The following ETNPPL variants were observed in gnomAD, a reference collection of about 807,000 sequenced individuals.
ETNPPL encodes ethanolamine-phosphate phospho-lyase.
ETNPPL carries 30 observed loss-of-function variants against 55.5 expected under a neutral mutation model. The observed-to-expected ratio is 0.54, with a 90% confidence interval of 0.40 to 0.73. ETNPPL has a LOEUF of 0.73. Ranked by LOEUF, ETNPPL falls within the 30% of genes least tolerant of loss-of-function variation. ETNPPL has a pLI of 0.00. For missense variants in ETNPPL, 528 were observed against 607.9 expected, an observed-to-expected ratio of 0.87 and a Z score of 1.38; for synonymous variants, 202 against 207.2, an observed-to-expected ratio of 0.98 and a Z score of 0.21.
chr4:108,753,800 GA>G (rs1553934252), intron 5 of ETNPPL, among the ~76,000 whole-genome samples: 1 of 109,032 alleles, frequency 9.2e-6, no homozygotes, highest in Non-Finnish European at 1.7e-5. Flanking sequence ...AAGAAAGAAA[GA>G]AAGAAAAGAG....
intron 4 of ETNPPL, among the ~76,000 whole-genome samples, chr4:108,755,634 T>C (rs1046367064): frequency 6.6e-6 from 1 of 152,126 alleles, no homozygotes; most frequent in Non-Finnish European, 1.5e-5. Flanking sequence ...CTGGCCAACA[T>C]GGTGAAAACC....
intron 1 of ETNPPL, chr4:108,762,130 G>A (rs1167924998): frequency 1.3e-5 from 3 of 236,252 alleles, no homozygotes; most frequent in Non-Finnish European, 1.8e-5. Context: ...ATTTGACAGA[G>A]GTCCACACAG....
intron 4 of ETNPPL, among the ~76,000 whole-genome samples, chr4:108,755,053 T>C (rs1033175168): frequency 6.6e-6 from 1 of 152,254 alleles, no homozygotes; most frequent in Non-Finnish European, 1.5e-5. Context: ...TGCAATACTT[T>C]ACGTGTATGT....
At chr4:108,760,015 A>G in intron 2 of ETNPPL, 107 bp from the exon 3 acceptor site, 5 of 1,261,090 alleles carry the variant, frequency 4.0e-6, no homozygotes, top group Non-Finnish European at 5.6e-6. Context: ...AACAAACAAA[A>G]GTTGAGTTCC....
In ETNPPL at chr4:108,756,254, A is replaced by T. The variant is rs566036917; in HGVS notation, c.410+164T>A. Among the ~76,000 whole-genome samples the T allele has an allele frequency of 2.0e-5, 3 of 152,354 alleles. No homozygotes were observed. The East Asian group carries it at 5.8e-4, about 29-fold the overall frequency. Reference sequence around the variant, plus strand: ...AGGAATTAAATATCCCTCTGGATTTAAGCTGGCCTTGATAGCTTAATACAT... The same window carrying T: ...AGGAATTAAATATCCCTCTGGATTTTAGCTGGCCTTGATAGCTTAATACAT... On this transcript the variant is annotated intron_variant, in intron 4 of 12. Coordinates refer to ENST00000296486, the MANE Select transcript of ETNPPL (RefSeq NM_031279.4).
chr4:108,760,944 CTAGAGT>C (rs1729484007), intron 1 of ETNPPL, among the ~76,000 whole-genome samples: 1 of 152,092 alleles, frequency 6.6e-6, no homozygotes, highest in Non-Finnish European at 1.5e-5. Flanking sequence ...TGCAAATAAC[CTAGAGT>C]TAAATACTAC....
In ETNPPL at chr4:108,746,527, A is replaced by G. The variant is rs766073471; in HGVS notation, c.1175T>C (p.Met392Thr). 3 of 1,612,138 alleles carry G rather than the reference A, an allele frequency of 1.9e-6. No homozygotes were observed. The highest frequency in any genetic ancestry group is 2.2e-5 in the East Asian group (1 of 44,878). The change falls in exon 11 of 13, where the codon ATG becomes ACG. Residue 392 changes from methionine to threonine, a missense_variant and splice_region_variant. Coordinates refer to ENST00000296486, the MANE Select transcript of ETNPPL (RefSeq NM_031279.4). ...TAEAQHIIYK[M>T]KEKRVLLSAD... ...ACTGAGAAGCACTCGTTTTTCTTTCATCCTAATTTGTGTAGGAAATACATG... is the reference window on the plus strand; with the variant it reads ...ACTGAGAAGCACTCGTTTTTCTTTCGTCCTAATTTGTGTAGGAAATACATG...
rs750168429 is a variant in ETNPPL, at chr4:108,752,881, C to G, written c.618+14G>C. ...AAAAGATGTTGAGATGTTTCCAAAG[C>G]TATAAATACAAACCTTCCTTCCACT... On this transcript the variant is annotated intron_variant, in intron 6 of 12. Transcript: ENST00000296486. 3.0e-5 allele frequency: 43 copies of G among 1,414,684 alleles called. No individual in the cohort carries two copies. The highest frequency in any genetic ancestry group is 4.2e-5 in the Non-Finnish European group (42 of 1,006,048). 87.6% of individuals were successfully genotyped at this position (1,414,684 alleles called of 1,614,324 possible). A position where few individuals can be genotyped will look rare whatever the true frequency, so the allele number is the denominator to read the frequency against.
Position 108,748,100 on chromosome 4 carries a change from A to G in ETNPPL, c.987T>C (p.Asn329=). The change falls in exon 9 of 13, where the codon AAT becomes AAC. Residue 329 remains asparagine (N), a synonymous_variant. Coordinates refer to ENST00000296486, the MANE Select transcript of ETNPPL (RefSeq NM_031279.4). ...VGLAVLDIIE[N]EDLQGNAKRV... is the part of the protein sequence containing the mutation. ...TCTTGGCATTTCCTTGAAGGTCTTC[A>G]TTTTCAATTATATCCAGGACAGCCA... 6.2e-7 allele frequency: 1 copy of G among 1,611,758 alleles called. No homozygotes were observed.
chr4:108,746,313 C>T (rs1728492809), intron 11 of ETNPPL, 86 bp downstream of exon 11: 3 of 1,230,700 alleles, frequency 2.4e-6, no homozygotes, highest in Admixed American at 2.8e-5. Flanking sequence ...TAACAAGATG[C>T]ATATGCTCAT....
chr4:108,757,424 C>G (rs868234467), intron 3 of ETNPPL, among the ~76,000 whole-genome samples: 1 of 151,964 alleles, frequency 6.6e-6, no homozygotes, highest in South Asian at 2.1e-4. Context: ...GGTCTCATAG[C>G]TAATATGAGG....
In ETNPPL at chr4:108,748,159, A is replaced by G; in HGVS notation, c.928T>C (p.Tyr310His). The change falls in exon 9 of 13, where the codon TAT becomes CAT. Residue 310 changes from tyrosine to histidine, a missense_variant and splice_region_variant. Physicochemically the swap from Tyr to His is moderately conservative, Grantham distance 83 (BLOSUM62 2). Coordinates refer to ENST00000296486, the MANE Select transcript of ETNPPL (RefSeq NM_031279.4). ...SSSGMEYFNTYGGNPVSCAVG... is the reference protein window; with the variant it reads ...SSSGMEYFNTHGGNPVSCAVG... ...GCACAAGATACTGGATTTCCTCCAT[A>G]CTGTAAAAAAAAAAAAGACAAATGA... 1 of 1,549,422 alleles carries G rather than the reference A, an allele frequency of 6.5e-7. No homozygotes were observed. Among genetic ancestry groups the G allele is most frequent in the African/African-American group, 1.6e-5 (1 of 64,198 alleles).
Position 108,746,532 on chromosome 4 carries a change from A to G in ETNPPL, c.1173-3T>C. On this transcript the variant is annotated splice_polypyrimidine_tract_variant and splice_region_variant and intron_variant, in intron 10 of 12. Coordinates refer to ENST00000296486, the MANE Select transcript of ETNPPL (RefSeq NM_031279.4). ...GAAGCACTCGTTTTTCTTTCATCCTAATTTGTGTAGGAAATACATGTGAGT... is the reference window on the plus strand; with the variant it reads ...GAAGCACTCGTTTTTCTTTCATCCTGATTTGTGTAGGAAATACATGTGAGT... The G allele has an allele frequency of 6.2e-7, 1 of 1,611,920 alleles. No homozygotes were observed. Among genetic ancestry groups the G allele is most frequent in the South Asian group, 1.1e-5 (1 of 90,768 alleles).
In ETNPPL at chr4:108,759,730, G is replaced by A. The variant is rs1000682472; in HGVS notation, c.335+19C>T. On this transcript the variant is annotated intron_variant, in intron 3 of 12. Coordinates refer to ENST00000296486, the MANE Select transcript of ETNPPL (RefSeq NM_031279.4). Reference sequence around the variant, plus strand: ...AAGTTTAGTGGGAATGGGGAGGGGTGGGAAACCATGAAGCATACCCTGAAT... The same window carrying A: ...AAGTTTAGTGGGAATGGGGAGGGGTAGGAAACCATGAAGCATACCCTGAAT... The A allele has an allele frequency of 5.6e-6, 9 of 1,612,562 alleles. No homozygotes were observed. The highest frequency in any genetic ancestry group is 7.6e-6 in the Non-Finnish European group (9 of 1,178,870).
intron 1 of ETNPPL, 38 bp from the exon 2 acceptor site, chr4:108,760,344 A>T: frequency 8.5e-7 from 1 of 1,173,070 alleles, no homozygotes; most frequent in East Asian, 2.4e-5. Flanking sequence ...GTCTGGTAGG[A>T]CTACTCTCAG....
At chr4:108,756,670 C>CA (rs929299732) in intron 3 of ETNPPL, among the ~76,000 whole-genome samples, 178 bp from the exon 4 acceptor site, 8 of 151,888 alleles carry the variant, frequency 5.3e-5, no homozygotes, top group Non-Finnish European at 1.0e-4. Flanking sequence ...TACTAAAATA[C>CA]AAAAAATTAG....
At chr4:108,752,823 T>G in intron 6 of ETNPPL, 72 bp downstream of exon 6, 1 of 859,370 alleles carries the variant, frequency 1.2e-6, no homozygotes, top group Non-Finnish European at 1.9e-6. Context: ...TTCCATCTCT[T>G]CAGTGAATCC....
intron 8 of ETNPPL, 131 bp downstream of exon 8, chr4:108,749,106 GA>G: frequency 3.4e-6 from 2 of 588,880 alleles, no homozygotes; most frequent in Non-Finnish European, 5.9e-6. Context: ...ATTAAAATAA[GA>G]AAAAACTTTG....
At position 108,751,018 on chromosome 4, in the gene ETNPPL, T is replaced by A. The variant is rs1433555257; in HGVS notation, c.619A>T (p.Ile207Phe). The A allele has an allele frequency of 6.2e-7, 1 of 1,611,234 alleles. No homozygotes were observed. The highest frequency in any genetic ancestry group is 8.5e-7 in the Non-Finnish European group (1 of 1,177,746). ...ATGGATTCAGCAATAAAGGCAGCAA[T>A]CTATACAAGAGAAGATGGTGTCAAA... Reference protein sequence around the residue: ...IEDAHNSGRKIAAFIAESMQS... With the variant: ...IEDAHNSGRKFAAFIAESMQS... Residue 207 changes from isoleucine to phenylalanine, a missense_variant and splice_region_variant, in exon 7 of 13, where the codon ATT (isoleucine) becomes TTT (phenylalanine). Ile to Phe is a conservative substitution (Grantham distance 21, BLOSUM62 0). Transcript: ENST00000296486.
Sources: allele counts gnomAD v4.1 joint callset (sites outside exome capture counted in the v4.1 genomes callset), GRCh38; gene constraint gnomAD v4.1.1; transcripts MANE v1.5; gene names NCBI Gene and HGNC (gene_info 2026-07-23, HGNC 2026-07-21).